The following STK17B variants were observed in gnomAD, a reference collection of about 807,000 sequenced individuals.
STK17B encodes serine/threonine kinase 17b, also known as serine/threonine-protein kinase 17B.
In STK17B, 21 loss-of-function variants were observed where a neutral mutation model predicts 42.0. The ratio of observed to expected loss-of-function variants is 0.50; its 90% CI spans 0.35 to 0.72. STK17B has a LOEUF of 0.72. Among genes scored for constraint, STK17B ranks in the 30% least tolerant of loss-of-function variants. The pLI, the probability that STK17B is intolerant of heterozygous loss-of-function variation, is 0.00. For synonymous variants in STK17B, 143 were observed against 148.4 expected, an observed-to-expected ratio of 0.96 and a Z score of 0.26; for missense variants, 349 against 446.0, an observed-to-expected ratio of 0.78 and a Z score of 1.96.
intron 2 of STK17B, among the ~76,000 whole-genome samples, chr2:196,162,816 G>A (rs183054051): frequency 6.6e-6 from 1 of 152,184 alleles, no homozygotes; most frequent in East Asian, 1.9e-4. Context: ...TTGAGCCCAG[G>A]AGACAGGAGG....
chr2:196,171,305 CA>C, intron 1 of STK17B, 27 bp downstream of exon 1: 1 of 152,858 alleles, frequency 6.5e-6, no homozygotes, highest in Non-Finnish European at 1.5e-5. Flanking sequence ...AGCCCCGAGC[CA>C]ACCCGCCAAT....
intron 4 of STK17B, among the ~76,000 whole-genome samples, chr2:196,144,508 A>C (rs1251434003): frequency 9.4e-5 from 14 of 148,826 alleles, no homozygotes; most frequent in African/African-American, 3.5e-4. Context: ...AAAAAAAAAA[A>C]AAAAAAAAAA....
rs1335010967 is a variant in STK17B at position 196,156,582 on chromosome 2, T to C, written c.192A>G (p.Leu64=). ...STGQEYAAKF[L]KKRRRGQDCR... is the part of the protein sequence containing the mutation. Reference sequence around the variant, plus strand: ...AATCCTGTCCTCTTCTTCTCTTTTTTAGAAATTTTGCAGCATATTCTTGGC... The same window carrying C: ...AATCCTGTCCTCTTCTTCTCTTTTTCAGAAATTTTGCAGCATATTCTTGGC... The change falls in exon 3 of 8, where the codon CTA becomes CTG. Residue 64 remains leucine, a synonymous_variant. Transcript: ENST00000263955. 1 of 1,613,998 alleles carries C rather than the reference T, an allele frequency of 6.2e-7. No individual in the cohort carries two copies. The highest frequency in any genetic ancestry group is 1.7e-5 in the Admixed American group (1 of 60,004).
intron 6 of STK17B, 146 bp from the exon 7 acceptor site, chr2:196,139,945 T>G (rs572338958): frequency 2.0e-6 from 1 of 503,550 alleles, no homozygotes; most frequent in African/African-American, 2.0e-5. Context: ...TCCTATATTA[T>G]TAAAACTAAA....
At chr2:196,175,512 G>C (rs973489331), upstream of STK17B, among the ~76,000 whole-genome samples, 1 of 152,196 alleles carries the variant, frequency 6.6e-6, no homozygotes, top group Admixed American at 6.5e-5. Flanking sequence ...TGTGATCCCA[G>C]CAACTCAGTA....
intron 2 of STK17B, among the ~76,000 whole-genome samples, chr2:196,158,757 A>T (rs62186700): frequency 0.58 from 88,522 of 151,630 alleles, 26,646 homozygotes; most frequent in East Asian, 0.92. Context: ...CATGCCTGTA[A>T]TACCAGCACT....
At position 196,148,215 on chromosome 2, in the gene STK17B, C is replaced by T. The variant is rs143846170; in HGVS notation, c.336-2160G>A. On this transcript the variant is annotated intron_variant, in intron 3 of 7. Coordinates refer to ENST00000263955, the MANE Select transcript of STK17B (RefSeq NM_004226.4). ...CTAATCTTCAAGAATAATTAATATACACACTGCCTAGCGGCCCTTGGTCTG... is the reference window on the plus strand; with the variant it reads ...CTAATCTTCAAGAATAATTAATATATACACTGCCTAGCGGCCCTTGGTCTG... 5.0e-3 allele frequency among the ~76,000 whole-genome samples: 755 copies of T among 152,256 alleles called. 2 individuals carry two copies. The highest frequency in any genetic ancestry group is 0.017 in the Middle Eastern group (5 of 294).
intron 3 of STK17B, among the ~76,000 whole-genome samples, chr2:196,147,956 T>C (rs989731914): frequency 2.0e-5 from 3 of 152,100 alleles, no homozygotes; most frequent in African/African-American, 2.4e-5. Flanking sequence ...TCTCGATCTC[T>C]TGACCTCGTG....
upstream of STK17B, among the ~76,000 whole-genome samples, chr2:196,173,317 CT>C (rs1455375796): frequency 3.9e-5 from 6 of 152,246 alleles, no homozygotes; most frequent in Non-Finnish European, 7.3e-5. Context: ...AGGTTACCCT[CT>C]TCAGGAATCA....
chr2:196,149,400 G>A (rs1559411334), intron 3 of STK17B, among the ~76,000 whole-genome samples: 1 of 152,030 alleles, frequency 6.6e-6, no homozygotes, highest in African/African-American at 2.4e-5. Flanking sequence ...TCCTGACCTC[G>A]TGATCCGCCC....
intron 2 of STK17B, among the ~76,000 whole-genome samples, chr2:196,157,348 T>C (rs1178284465): frequency 1.3e-5 from 2 of 152,174 alleles, no homozygotes; most frequent in Non-Finnish European, 2.9e-5. Context: ...TCAGGTCTAT[T>C]TCCAAAAACT....
chr2:196,158,411 T>C (rs1321326531), intron 2 of STK17B, among the ~76,000 whole-genome samples: 1 of 152,228 alleles, frequency 6.6e-6, no homozygotes, highest in Admixed American at 6.5e-5. Context: ...TAAATTTGCA[T>C]ATAAAAACCT....
At chr2:196,151,624 AGTT>A (rs900296055) in intron 3 of STK17B, 2 of 152,178 alleles carry the variant, frequency 1.3e-5, no homozygotes, top group African/African-American at 2.4e-5. Context: ...TCCTTCCAGA[AGTT>A]TTTTAAAAAG....
intron 3 of STK17B, among the ~76,000 whole-genome samples, chr2:196,148,802 A>T (rs1699619556): frequency 6.6e-6 from 1 of 152,206 alleles, no homozygotes; most frequent in Non-Finnish European, 1.5e-5. Context: ...CACTCCACCA[A>T]TTCTAAAATT....
At chr2:196,143,201 C>A (rs189551158) in intron 5 of STK17B, among the ~76,000 whole-genome samples, 27 of 152,326 alleles carry the variant, frequency 1.8e-4, no homozygotes, top group Admixed American at 1.8e-3. Flanking sequence ...AACAGCCAGG[C>A]TTCAAAGACA....
chr2:196,138,495 G>A (rs1234992358), intron 7 of STK17B, among the ~76,000 whole-genome samples: 1 of 152,106 alleles, frequency 6.6e-6, no homozygotes, highest in Non-Finnish European at 1.5e-5. Context: ...TATGTTCATA[G>A]GATGAGTTAC....
At position 196,146,021 on chromosome 2, in the gene STK17B, G is replaced by C. The variant is rs1699568141; in HGVS notation, c.370C>G (p.Pro124Ala). The C allele has an allele frequency of 6.3e-7, 1 of 1,596,838 alleles. No homozygotes were observed. The highest frequency in any genetic ancestry group is 8.5e-7 in the Non-Finnish European group (1 of 1,175,438). ...TCAGAAACCATTTCAGCCAACTCAG[G>C]TAAACACAGGCTGAAAATTTCTCCA... ...AGGEIFSLCLPELAEMVSEND... is the reference protein window; with the variant it reads ...AGGEIFSLCLAELAEMVSEND... The change falls in exon 4 of 8, where the codon CCT becomes GCT. Residue 124 changes from proline (P) to alanine (A), a missense_variant. Pro to Ala is a conservative substitution (Grantham distance 27). Transcript: ENST00000263955.
chr2:196,148,006 G>C (rs971202103), intron 3 of STK17B, among the ~76,000 whole-genome samples: 1 of 152,092 alleles, frequency 6.6e-6, no homozygotes, highest in Non-Finnish European at 1.5e-5. Context: ...GGGATTACAG[G>C]TGTGAGCCAT....
upstream of STK17B, among the ~76,000 whole-genome samples, chr2:196,175,400 C>A (rs1194002188): frequency 6.6e-6 from 1 of 152,124 alleles, no homozygotes; most frequent in African/African-American, 2.4e-5. Context: ...CCAAGGCGGG[C>A]AGATGATTTG....
Sources: gnomAD v4.1 joint callset for allele counts (sites outside exome capture counted in the v4.1 genomes callset) on GRCh38, gnomAD v4.1.1 for gene constraint, MANE v1.5 for transcripts, NCBI Gene and HGNC (gene_info 2026-07-23, HGNC 2026-07-21) for gene names.